CNIH3: variants seen among roughly 807,000 people sequenced by gnomAD.
CNIH3 encodes the protein cornichon family AMPA receptor auxiliary protein 3.
A neutral mutation model predicts 24.1 loss-of-function variants in CNIH3; 14 were observed. That is an observed-to-expected ratio of 0.58 (90% CI 0.38 to 0.91). The LOEUF is 0.91. CNIH3 is among the 40% of genes least tolerant of loss of function. CNIH3 has a pLI of 0.00. For synonymous variants in CNIH3, 68 were observed against 73.8 expected, an observed-to-expected ratio of 0.92 and a Z score of 0.40; for missense variants, 178 against 196.8, an observed-to-expected ratio of 0.90 and a Z score of 0.57.
At chr1:224,601,386 T>G (rs1682202068) in intron 3 of CNIH3, among the ~76,000 whole-genome samples, 1 of 152,200 alleles carries the variant, frequency 6.6e-6, no homozygotes, top group Admixed American at 6.5e-5. Flanking sequence ...TACCAGTGAA[T>G]GCCGCCATTT....
At chr1:224,562,549 C>T (rs544980498) in intron 3 of CNIH3, among the ~76,000 whole-genome samples, 1 of 152,144 alleles carries the variant, frequency 6.6e-6, no homozygotes, top group African/African-American at 2.4e-5. Context: ...GGATATTTGT[C>T]CCCCCAAATC....
chr1:224,546,095 TC>T (rs963288760), intron 2 of CNIH3, among the ~76,000 whole-genome samples: 6 of 152,090 alleles, frequency 3.9e-5, no homozygotes, highest in African/African-American at 1.4e-4. Flanking sequence ...ATACCTTATC[TC>T]CAAATGCAGA....
At chr1:224,477,771 G>A (rs1218858867) in intron 1 of CNIH3, among the ~76,000 whole-genome samples, 2 of 152,156 alleles carry the variant, frequency 1.3e-5, no homozygotes, top group South Asian at 4.1e-4. Flanking sequence ...TGTACCTTCA[G>A]ATAATTTCTT....
chr1:224,569,295 T>A (rs773018012), intron 4 of CNIH3, among the ~76,000 whole-genome samples: 15 of 152,258 alleles, frequency 9.9e-5, no homozygotes, highest in Non-Finnish European at 2.1e-4. Flanking sequence ...CTGCAACTTG[T>A]GTGTTTTACT....
At chr1:224,608,538 A>G (rs1682536579) in intron 3 of CNIH3, among the ~76,000 whole-genome samples, 2 of 152,236 alleles carry the variant, frequency 1.3e-5, no homozygotes, top group Admixed American at 6.5e-5. Context: ...GGAACAGAAC[A>G]GGACAGGGAT....
At chr1:224,453,142 T>G (rs1462050342) in intron 1 of CNIH3, among the ~76,000 whole-genome samples, 2 of 151,574 alleles carry the variant, frequency 1.3e-5, no homozygotes, top group Non-Finnish European at 2.9e-5. Context: ...ATATGTATTA[T>G]ATACACATAT....
chr1:224,436,280 CTAGA>C (rs1404966694), intron 1 of CNIH3, among the ~76,000 whole-genome samples: 3 of 152,170 alleles, frequency 2.0e-5, no homozygotes, highest in Non-Finnish European at 4.4e-5. Flanking sequence ...GCCTGAATTA[CTAGA>C]TAGTTAACAC....
intron 5 of CNIH3, among the ~76,000 whole-genome samples, chr1:224,738,537 C>A (rs1689709457): frequency 6.6e-6 from 1 of 152,158 alleles, no homozygotes; most frequent in Non-Finnish European, 1.5e-5. Flanking sequence ...TCATTTCTTT[C>A]CTTTGGTTTT....
At chr1:224,467,026 T>A (rs1032742315) in intron 1 of CNIH3, among the ~76,000 whole-genome samples, 5 of 152,146 alleles carry the variant, frequency 3.3e-5, no homozygotes, top group African/African-American at 7.2e-5. Context: ...AGTCTGTAAT[T>A]TATCTTTTCA....
intron 1 of CNIH3, among the ~76,000 whole-genome samples, chr1:224,645,594 G>A (rs1684568895): frequency 6.6e-6 from 1 of 152,218 alleles, no homozygotes; most frequent in South Asian, 2.1e-4. Context: ...GGGTGGTGAG[G>A]TTTAGGCCCT....
intron 1 of CNIH3, among the ~76,000 whole-genome samples, chr1:224,617,928 G>A (rs1683098994): frequency 6.6e-6 from 1 of 152,170 alleles, no homozygotes; most frequent in Non-Finnish European, 1.5e-5. Flanking sequence ...TGCCCTCTTG[G>A]CGTCTGAAGT....
At chr1:224,615,053 C>G (rs1043979718), upstream of CNIH3, among the ~76,000 whole-genome samples, 1 of 152,190 alleles carries the variant, frequency 6.6e-6, no homozygotes, top group Admixed American at 6.5e-5. Flanking sequence ...AGTCCGCAGA[C>G]AGGATTCCAG....
intron 1 of CNIH3, among the ~76,000 whole-genome samples, chr1:224,662,922 A>G (rs574376531): frequency 3.8e-4 from 58 of 152,222 alleles, no homozygotes; most frequent in Middle Eastern, 3.4e-3. Flanking sequence ...AGGCAGTTTT[A>G]TTTTTAAAGG....
intron 3 of CNIH3, among the ~76,000 whole-genome samples, chr1:224,701,464 T>G (rs1466955990): frequency 1.3e-5 from 2 of 152,044 alleles, no homozygotes; most frequent in Non-Finnish European, 2.9e-5. Flanking sequence ...CTCTGCACCC[T>G]TTATCAGGAC....
chr1:224,656,250 G>A (rs951848534), intron 1 of CNIH3, among the ~76,000 whole-genome samples: 2 of 152,178 alleles, frequency 1.3e-5, no homozygotes, highest in African/African-American at 4.8e-5. Flanking sequence ...TGCATCTGGC[G>A]CACTGGAAGA....
chr1:224,616,641 C>G lies in CNIH3; in HGVS notation c.-534C>G, dbSNP rs1683008906. On this transcript the variant is annotated 5_prime_UTR_variant, in exon 1 of 6. Coordinates refer to ENST00000272133, the MANE Select transcript of CNIH3 (RefSeq NM_152495.2). ...TCTCGGGAAAGAGCGCTGCCCGGCT[C>G]TGGGATTTGGGAGGAGCTCGGAGGC... The G allele has an allele frequency of 1.0e-6, 1 of 987,856 alleles. No individual in the cohort carries two copies. Among genetic ancestry groups the G allele is most frequent in the Non-Finnish European group, 1.2e-6 (1 of 831,814 alleles). 61.2% of individuals were successfully genotyped at this position (987,856 alleles called of 1,614,324 possible).
At chr1:224,589,219 T>C (rs1415822385), downstream of CNIH3, among the ~76,000 whole-genome samples, 1 of 152,180 alleles carries the variant, frequency 6.6e-6, no homozygotes, top group African/African-American at 2.4e-5. Flanking sequence ...ACCACGTTGC[T>C]ATTCCCAGAC....
intron 1 of CNIH3, among the ~76,000 whole-genome samples, chr1:224,471,213 T>C (rs1011362227): frequency 6.6e-6 from 1 of 152,114 alleles, no homozygotes; most frequent in African/African-American, 2.4e-5. Flanking sequence ...TCATGTTTTA[T>C]ATTTTTAGTA....
intron 1 of CNIH3, among the ~76,000 whole-genome samples, chr1:224,618,047 C>T (rs1435653889): frequency 6.6e-6 from 1 of 152,210 alleles, no homozygotes; most frequent in Non-Finnish European, 1.5e-5. Context: ...AGGTGGAGGG[C>T]AGCCGTGGAT....
Sources: gnomAD v4.1 joint callset for allele counts (sites outside exome capture counted in the v4.1 genomes callset) on GRCh38, gnomAD v4.1.1 for gene constraint, MANE v1.5 for transcripts, NCBI Gene and HGNC (gene_info 2026-07-23, HGNC 2026-07-21) for gene names.